GNAI1: variants seen among roughly 807,000 people sequenced by gnomAD.
GNAI1 encodes the protein guanine nucleotide-binding protein G(i) subunit alpha-1.
Under a neutral mutation model 38.9 loss-of-function variants are expected in GNAI1, and 11 were observed. That is an observed-to-expected ratio of 0.28 (90% CI 0.18 to 0.47). GNAI1 has a LOEUF of 0.47. Among genes scored for constraint, GNAI1 ranks in the 20% least tolerant of loss-of-function variants. The probability of loss-of-function intolerance (pLI) is 0.99; values close to 1 mark genes in which losing one functional copy is unlikely to be tolerated. For missense variants in GNAI1, 317 were observed against 436.9 expected (o/e 0.73, Z 2.45); for synonymous variants, 166 against 145.1 (o/e 1.14, Z -1.04).
chr7:80,212,638 A>G (rs10238438), intron 6 of GNAI1, 78 bp from the exon 7 acceptor site: 185,356 of 803,378 alleles, frequency 0.23, 22,612 homozygotes, highest in South Asian at 0.28. Context: ...GTTTTATTAC[A>G]ACACCTTTTA....
At chr7:80,204,034 G>A (rs1024059929) in intron 5 of GNAI1, among the ~76,000 whole-genome samples, 1 of 152,048 alleles carries the variant, frequency 6.6e-6, no homozygotes, top group Admixed American at 6.6e-5. Context: ...TTTTATTTAA[G>A]AAAATCTATC....
At position 80,152,097 on chromosome 7, in the gene GNAI1, T is replaced by G. The variant is rs1312454397; in HGVS notation, c.118+16819T>G. ...TCTAGAACTAAGGTGGCAGGTAGTA[T>G]TAATCTCATGTTACAAAGCAGGAAA... On this transcript the variant is annotated intron_variant, in intron 1 of 7. Coordinates refer to ENST00000649796, the MANE Select transcript of GNAI1 (RefSeq NM_002069.6). 3.3e-5 allele frequency among the ~76,000 whole-genome samples: 5 copies of G among 152,226 alleles called. No homozygotes were observed. The East Asian group carries it at 9.6e-4, about 29-fold the overall frequency.
intron 1 of GNAI1, among the ~76,000 whole-genome samples, chr7:80,154,161 A>G (rs1249812483): frequency 6.6e-6 from 1 of 152,122 alleles, no homozygotes; most frequent in Non-Finnish European, 1.5e-5. Context: ...GTACTCAAGT[A>G]GTCTGCCCAC....
chr7:80,195,831 G>A (rs964500445), intron 3 of GNAI1, among the ~76,000 whole-genome samples: 1 of 151,312 alleles, frequency 6.6e-6, no homozygotes, highest in Non-Finnish European at 1.5e-5. Flanking sequence ...TGTTTTTCAG[G>A]TGGCTTTGAT....
chr7:80,171,685 T>C (rs17153532), intron 1 of GNAI1, among the ~76,000 whole-genome samples: 1 of 152,228 alleles, frequency 6.6e-6, no homozygotes, highest in South Asian at 2.1e-4. Flanking sequence ...TTAGATTATA[T>C]CTTTTCCGGA....
rs890678888 is a variant in GNAI1, at chr7:80,223,422, A to C, written c.*5929A>C. 1.3e-5 allele frequency among the ~76,000 whole-genome samples: 2 copies of C among 152,202 alleles called. No homozygotes were observed. The highest frequency in any genetic ancestry group is 4.1e-4 in the South Asian group (2 of 4,834). On this transcript the variant is annotated 3_prime_UTR_variant, in exon 8 of 8. Transcript: ENST00000649796. The stretch of plus-strand genomic sequence containing the variant: ...CAAAATAAACCACTGTGAAGATTGG[A>C]TATTACCTTGGATTTTCTGTTGTGC...
At chr7:80,156,831 C>G (rs1787827053) in intron 1 of GNAI1, among the ~76,000 whole-genome samples, 1 of 152,092 alleles carries the variant, frequency 6.6e-6, no homozygotes, top group African/African-American at 2.4e-5. Context: ...GTTCACAGTA[C>G]TATTGAGCAG....
intron 3 of GNAI1, among the ~76,000 whole-genome samples, chr7:80,192,151 A>G (rs1393323428): frequency 2.0e-5 from 3 of 152,202 alleles, no homozygotes; most frequent in South Asian, 2.1e-4. Context: ...TTGAAATAGT[A>G]CATTACAGAA....
chr7:80,136,509 T>C (rs1787419393), intron 1 of GNAI1, among the ~76,000 whole-genome samples: 1 of 152,206 alleles, frequency 6.6e-6, no homozygotes, highest in Non-Finnish European at 1.5e-5. Context: ...CTGAGTCATT[T>C]TGCAAGTAAA....
intron 1 of GNAI1, among the ~76,000 whole-genome samples, chr7:80,153,805 T>C (rs1205725367): frequency 6.6e-6 from 1 of 152,238 alleles, no homozygotes; most frequent in Non-Finnish European, 1.5e-5. Context: ...TTATATCTTC[T>C]GTAACTTCTT....
chr7:80,167,034 T>G (rs1788021923), intron 1 of GNAI1, among the ~76,000 whole-genome samples: 1 of 152,088 alleles, frequency 6.6e-6, no homozygotes, highest in African/African-American at 2.4e-5. Flanking sequence ...TGAGAGTGAG[T>G]GGGTTAATGG....
At chr7:80,140,195 C>T (rs1389402289) in intron 1 of GNAI1, among the ~76,000 whole-genome samples, 17 of 151,756 alleles carry the variant, frequency 1.1e-4, no homozygotes, top group Admixed American at 1.0e-3. Flanking sequence ...CGTGTTAGCC[C>T]GAGTGGTGTC....
intron 6 of GNAI1, 99 bp from the exon 7 acceptor site, chr7:80,212,617 C>A (rs1033313465): frequency 3.1e-6 from 2 of 646,544 alleles, no homozygotes; most frequent in Admixed American, 3.8e-5. Context: ...ATTTTTCAAT[C>A]ACTAAACTCT....
intron 1 of GNAI1, among the ~76,000 whole-genome samples, chr7:80,184,080 C>T (rs941944496): frequency 1.3e-5 from 2 of 152,000 alleles, no homozygotes; most frequent in Non-Finnish European, 2.9e-5. Flanking sequence ...GACCAGTGGG[C>T]GGAGGGGGAG....
At position 80,221,936 on chromosome 7, in the gene GNAI1, A is replaced by G. The variant is rs375929488; in HGVS notation, c.*4443A>G. 3.3e-4 allele frequency among the ~76,000 whole-genome samples: 50 copies of G among 152,080 alleles called. No homozygotes were observed. The highest frequency in any genetic ancestry group is 1.1e-3 in the Admixed American group (17 of 15,284). On this transcript the variant is annotated 3_prime_UTR_variant, in exon 8 of 8. Coordinates refer to ENST00000649796, the MANE Select transcript of GNAI1 (RefSeq NM_002069.6). ...ATTACAGACGTGAGCCACTGCGCCC[A>G]GCCAGTTTTCTTTTTTAGTTCTTTT...
At position 80,174,237 on chromosome 7, in the gene GNAI1, A is replaced by T. The variant is rs181481044; in HGVS notation, c.119-14714A>T. On this transcript the variant is annotated intron_variant, in intron 1 of 7. Coordinates refer to ENST00000649796, the MANE Select transcript of GNAI1 (RefSeq NM_002069.6). ...AAATTTGGAAATTACAGAAACATTC[A>T]AGAAGTAAAAACACACTACTCCAGT... 5.3e-5 allele frequency among the ~76,000 whole-genome samples: 8 copies of T among 152,282 alleles called. No homozygotes were observed. In the East Asian group the frequency reaches 1.3e-3, roughly 26 times the overall value.
intron 1 of GNAI1, among the ~76,000 whole-genome samples, chr7:80,158,421 G>A (rs1004618798): frequency 1.3e-5 from 2 of 152,196 alleles, no homozygotes; most frequent in Admixed American, 6.5e-5. Context: ...TCGAATTGTA[G>A]TTCCCATAAT....
intron 4 of GNAI1, among the ~76,000 whole-genome samples, chr7:80,200,280 C>A (rs182108102): frequency 1.5e-5 from 2 of 135,654 alleles, no homozygotes; most frequent in Admixed American, 8.0e-5. Context: ...GAGCCATGCT[C>A]GTACCACTGC....
At chr7:80,160,657 G>A (rs1009735336) in intron 1 of GNAI1, among the ~76,000 whole-genome samples, 7 of 152,070 alleles carry the variant, frequency 4.6e-5, no homozygotes, top group African/African-American at 1.7e-4. Context: ...ATTATCTGTT[G>A]TGATTTTGTC....
Sources: gnomAD v4.1 joint callset for allele counts (sites outside exome capture counted in the v4.1 genomes callset) on GRCh38, gnomAD v4.1.1 for gene constraint, MANE v1.5 for transcripts, NCBI Gene and HGNC (gene_info 2026-07-23, HGNC 2026-07-21) for gene names.